ANKRD36C: variants seen among roughly 807,000 people sequenced by gnomAD.
ANKRD36C encodes ankyrin repeat domain-containing protein 36C.
Under a neutral mutation model 276.4 loss-of-function variants are expected in ANKRD36C, and 61 were observed. That is an observed-to-expected ratio of 0.22 (90% CI 0.18 to 0.27). The LOEUF (loss-of-function observed/expected upper bound fraction) is 0.27. ANKRD36C is among the 10% of genes least tolerant of loss of function. ANKRD36C has a pLI of 1.00. For synonymous variants in ANKRD36C, 483 were observed against 680.1 expected, an observed-to-expected ratio of 0.71 and a Z score of 4.51; for missense variants, 1,447 against 2,032.3, an observed-to-expected ratio of 0.71 and a Z score of 5.54.
intron 42 of ANKRD36C, among the ~76,000 whole-genome samples, chr2:95,907,975 A>G (rs1211960839): frequency 6.6e-6 from 1 of 150,418 alleles, no homozygotes; most frequent in East Asian, 2.0e-4. Flanking sequence ...GAGTTCACTC[A>G]GGTTTTCTCA....
chr2:95,876,854 A>C (rs1675969725), intron 58 of ANKRD36C, among the ~76,000 whole-genome samples: 2 of 75,524 alleles, frequency 2.6e-5, no homozygotes. Context: ...ACTGTGTCTC[A>C]AAAAAAAAAA....
chr2:95,930,078 G>A (rs1346722357), intron 24 of ANKRD36C, among the ~76,000 whole-genome samples: 1 of 151,536 alleles, frequency 6.6e-6, no homozygotes, highest in Non-Finnish European at 1.5e-5. Flanking sequence ...AACCATTTGG[G>A]ATTCAAGTAA....
chr2:95,922,625 A>G (rs2104425281), intron 32 of ANKRD36C, among the ~76,000 whole-genome samples: 1 of 151,778 alleles, frequency 6.6e-6, no homozygotes, highest in East Asian at 2.0e-4. Flanking sequence ...CCATTTTAAG[A>G]GTCAGTTGAT....
chr2:95,912,523 A>T lies in ANKRD36C; in HGVS notation c.2552-88T>A, dbSNP rs995320896. 9.3e-5 allele frequency: 148 copies of T among 1,586,812 alleles called. 1 individual carries two copies. In the South Asian group the frequency reaches 1.2e-3, roughly 13 times the overall value. ...CGCACAGTGTTAGCATCAACCTCTG[A>T]CCTCCTGCCTGTATTAGTGGAGGCT... On this transcript the variant is annotated intron_variant, in intron 40 of 66. Transcript: ENST00000456556.
intron 6 of ANKRD36C, among the ~76,000 whole-genome samples, chr2:95,977,725 C>A (rs896173343): frequency 6.6e-6 from 1 of 151,934 alleles, no homozygotes; most frequent in Non-Finnish European, 1.5e-5. Context: ...TGTTCAAGGG[C>A]CAACTGTAAT....
At chr2:95,968,724 C>T (rs4522647) in intron 6 of ANKRD36C, among the ~76,000 whole-genome samples, 1 of 152,136 alleles carries the variant, frequency 6.6e-6, no homozygotes, top group Admixed American at 6.6e-5. Context: ...GGGCTTAGTA[C>T]CACAAGGCTA....
At chr2:95,878,096 A>G (rs2104315270) in intron 58 of ANKRD36C, among the ~76,000 whole-genome samples, 1 of 148,838 alleles carries the variant, frequency 6.7e-6, no homozygotes, top group South Asian at 2.2e-4. Flanking sequence ...AGGCAGGAGA[A>G]TCGCTTTAAC....
downstream of ANKRD36C, among the ~76,000 whole-genome samples, chr2:95,850,492 G>A (rs1459446217): frequency 1.3e-5 from 2 of 152,186 alleles, no homozygotes; most frequent in Non-Finnish European, 2.9e-5. Flanking sequence ...TAGGATAGAG[G>A]GAAGAAGTAA....
intron 34 of ANKRD36C, 90 bp downstream of exon 34, chr2:95,921,517 C>A: frequency 6.6e-7 from 1 of 1,513,608 alleles, no homozygotes; most frequent in Non-Finnish European, 8.9e-7. Context: ...CGGCGAGCCC[C>A]CCCACCTGCC....
intron 42 of ANKRD36C, among the ~76,000 whole-genome samples, chr2:95,902,161 A>G (rs942677957): frequency 2.0e-5 from 3 of 149,904 alleles, no homozygotes; most frequent in African/African-American, 7.4e-5. Context: ...ATTCATATTC[A>G]AGATTATCTC....
intron 17 of ANKRD36C, among the ~76,000 whole-genome samples, chr2:95,946,738 A>G: frequency 6.6e-6 from 1 of 152,108 alleles, no homozygotes; most frequent in African/African-American, 2.4e-5. Flanking sequence ...ACAAAAAATG[A>G]TGAGTTCATG....
chr2:95,911,902 G>A (rs956591483), intron 42 of ANKRD36C, among the ~76,000 whole-genome samples: 3 of 151,334 alleles, frequency 2.0e-5, no homozygotes, highest in South Asian at 2.1e-4. Flanking sequence ...ACGATGTGAC[G>A]TCTGTAAAAT....
At chr2:95,943,172 T>G (rs1401613013) in intron 19 of ANKRD36C, among the ~76,000 whole-genome samples, 1 of 152,310 alleles carries the variant, frequency 6.6e-6, no homozygotes, top group Non-Finnish European at 1.5e-5. Context: ...GAATATAAAT[T>G]AGAAACCTCC....
chr2:95,911,272 T>C (rs1212466971), intron 42 of ANKRD36C, among the ~76,000 whole-genome samples: 3 of 151,460 alleles, frequency 2.0e-5, no homozygotes, highest in South Asian at 2.1e-4. Flanking sequence ...TATCATCAAT[T>C]ATCAATTTTG....
intron 38 of ANKRD36C, among the ~76,000 whole-genome samples, chr2:95,915,669 C>T (rs915176815): frequency 8.6e-5 from 13 of 151,556 alleles, no homozygotes; most frequent in African/African-American, 2.4e-4. Context: ...TCCCTTTCTC[C>T]TTACACCCTT....
intron 54 of ANKRD36C, 97 bp downstream of exon 74, chr2:95,884,076 T>C: frequency 3.0e-6 from 4 of 1,352,580 alleles, no homozygotes; most frequent in Non-Finnish European, 4.1e-6. Context: ...AGAATCAGAA[T>C]GTGCAGCTTC....
chr2:95,978,635 C>A (rs1280628686), intron 5 of ANKRD36C, among the ~76,000 whole-genome samples: 1 of 152,066 alleles, frequency 6.6e-6, no homozygotes, highest in African/African-American at 2.4e-5. Flanking sequence ...TGTTCTTGAA[C>A]TTTATCGCTG....
At chr2:95,931,849 T>TAAACACACACGCACACACACAC (rs906940562) in intron 24 of ANKRD36C, among the ~76,000 whole-genome samples, 1 of 111,612 alleles carries the variant, frequency 9.0e-6, no homozygotes, top group Non-Finnish European at 2.1e-5. Context: ...TACACACACA[T>TAAACACACACGCACACACACAC]ACACACACAC....
At chr2:95,870,810 G>C (rs1404843151) in intron 59 of ANKRD36C, among the ~76,000 whole-genome samples, 1 of 152,174 alleles carries the variant, frequency 6.6e-6, no homozygotes, top group Non-Finnish European at 1.5e-5. Flanking sequence ...CCAATACAGA[G>C]AAGTGCTTAA....
Sources: allele counts gnomAD v4.1 joint callset (sites outside exome capture counted in the v4.1 genomes callset), GRCh38; gene constraint gnomAD v4.1.1; transcripts MANE v1.5; gene names NCBI Gene and HGNC (gene_info 2026-07-23, HGNC 2026-07-21).